PADI6: variants seen among roughly 807,000 people sequenced by gnomAD.
PADI6 encodes the protein peptidyl arginine deiminase 6.
In PADI6, 66 loss-of-function variants were observed where a neutral mutation model predicts 78.2. The ratio of observed to expected loss-of-function variants is 0.84; its 90% CI spans 0.69 to 1.04. The LOEUF is 1.04. Ranked by LOEUF, PADI6 falls within the 50% of genes least tolerant of loss-of-function variation. The pLI is 0.00. For synonymous variants in PADI6, 397 were observed against 346.9 expected (o/e 1.14, Z -1.60); for missense variants, 854 against 866.1 (o/e 0.99, Z 0.18).
chr1:17,388,872 C>T lies in PADI6; in HGVS notation c.954C>T (p.Tyr318=), dbSNP rs766217698. 2 of 1,613,068 alleles carry T rather than the reference C, an allele frequency of 1.2e-6. No homozygotes were observed. The highest frequency in any genetic ancestry group is 1.1e-5 in the South Asian group (1 of 90,840). The change falls in exon 8 of 16, where the codon TAC becomes TAT. Residue 318 remains tyrosine, a synonymous_variant. Coordinates refer to ENST00000619609, the MANE Select transcript of PADI6 (RefSeq NM_207421.4). ...IPCTQVPLEV[Y]LCRELQLQGF... ...GTACCCAGGTGCCTCTGGAGGTTTA[C>T]CTGTGCAGGTGAGAGACCATCAGGC... is the stretch of plus-strand genomic sequence containing the variant.
chr1:17,392,436 A>T (rs929014466), intron 9 of PADI6, among the ~76,000 whole-genome samples: 3 of 152,162 alleles, frequency 2.0e-5, no homozygotes, highest in Non-Finnish European at 4.4e-5. Flanking sequence ...CCTCCTTCCC[A>T]TTCCAGAATG....
intron 6 of PADI6, among the ~76,000 whole-genome samples, chr1:17,383,946 C>CGA (rs2075096757): frequency 6.6e-6 from 1 of 152,050 alleles, no homozygotes; most frequent in South Asian, 2.1e-4. Context: ...GTCAGGAGTT[C>CGA]GAGACCAGCC....
intron 4 of PADI6, among the ~76,000 whole-genome samples, chr1:17,380,496 T>C (rs1386106356): frequency 3.9e-5 from 6 of 152,182 alleles, no homozygotes; most frequent in Non-Finnish European, 7.4e-5. Context: ...GCCTGCCGAG[T>C]AGCTGGGACT....
In PADI6 at chr1:17,401,436, TAGACC is replaced by T; in HGVS notation, c.2084_*3del. ...CTTCAAATGGTGGAAGATGGTACCT[TAGACC>T]CAGGCCCTGGAGCTGCCAGCTCTGC... On this transcript the variant is annotated stop_lost and 3_prime_UTR_variant, in exon 16 of 16. Transcript: ENST00000619609. 6.2e-7 allele frequency: 1 copy of T among 1,613,316 alleles called. No homozygotes were observed. Among genetic ancestry groups the T allele is most frequent in the Non-Finnish European group, 8.5e-7 (1 of 1,179,420 alleles).
intron 6 of PADI6, among the ~76,000 whole-genome samples, chr1:17,383,843 A>G (rs1041926294): frequency 6.7e-6 from 1 of 150,344 alleles, no homozygotes; most frequent in Admixed American, 6.7e-5. Context: ...TAATTTTTTT[A>G]AAAAAACTTA....
chr1:17,380,996 A>C, intron 4 of PADI6, 51 bp from the exon 5 acceptor site: 1 of 1,474,286 alleles, frequency 6.8e-7, no homozygotes, highest in Non-Finnish European at 9.3e-7. Flanking sequence ...TCCGAGAAAC[A>C]GAAGATTTAT....
At chr1:17,372,949 C>T (rs779796768) in intron 1 of PADI6, 107 bp from the exon 2 acceptor site, 11 of 1,208,658 alleles carry the variant, frequency 9.1e-6, no homozygotes, top group Middle Eastern at 2.0e-4. Context: ...GCCTCAACAC[C>T]CTAAGGAGAA....
At position 17,398,710 on chromosome 1, in the gene PADI6, A is replaced by G. The variant is rs1368974422; in HGVS notation, c.1714A>G (p.Ile572Val). The G allele has an allele frequency of 4.5e-6, 6 of 1,323,858 alleles. No individual in the cohort carries two copies. Among genetic ancestry groups the G allele is most frequent in the Non-Finnish European group, 5.0e-6 (5 of 1,009,390 alleles). 82.0% of individuals were successfully genotyped at this position (1,323,858 alleles called of 1,614,324 possible). Residue 572 changes from isoleucine to valine, a missense_variant, in exon 15 of 16, where the codon ATC (isoleucine) becomes GTC (valine). Coordinates refer to ENST00000619609, the MANE Select transcript of PADI6 (RefSeq NM_207421.4). ...GAAGTGCATTCACCTGAACCGTGAC[A>G]TCCTGAAGACGGAGCTGGGCCTGGT... ...VEKCIHLNRDILKTELGLVEQ... is the reference protein window; with the variant it reads ...VEKCIHLNRDVLKTELGLVEQ...
At chr1:17,389,029 A>G (rs1050219151) in intron 8 of PADI6, 149 bp downstream of exon 8, 2 of 633,476 alleles carry the variant, frequency 3.2e-6, no homozygotes, top group African/African-American at 3.7e-5. Flanking sequence ...GACCTGCCCC[A>G]AGACAGTCCA....
In PADI6 at chr1:17,397,246, G is replaced by A. The variant is rs1015023673; in HGVS notation, c.1689+105G>A. On this transcript the variant is annotated intron_variant, in intron 14 of 15. Transcript: ENST00000619609. ...CCTGAGGGGTGAAGTGTTGGGCGGC[G>A]GGGGGCAGCTGCCTGCCACCCTTTC... 39 of 1,233,822 alleles carry A rather than the reference G, an allele frequency of 3.2e-5. No homozygotes were observed. In the Admixed American group the frequency reaches 3.3e-4, roughly 10 times the overall value. 76.4% of individuals were successfully genotyped at this position (1,233,822 alleles called of 1,614,324 possible). A position where few individuals can be genotyped will look rare whatever the true frequency, so the allele number is the denominator to read the frequency against.
At chr1:17,389,781 A>G (rs980460074) in intron 8 of PADI6, among the ~76,000 whole-genome samples, 9 of 152,220 alleles carry the variant, frequency 5.9e-5, no homozygotes, top group African/African-American at 1.9e-4. Context: ...AGACCAGTCT[A>G]GACACAGCAT....
chr1:17,392,534 G>A (rs1002444343), intron 9 of PADI6, among the ~76,000 whole-genome samples: 4 of 152,198 alleles, frequency 2.6e-5, no homozygotes, highest in Admixed American at 2.6e-4. Flanking sequence ...CTGGGCCACT[G>A]CCCTGGGGTC....
At chr1:17,372,391 G>GCAGGCAGA (rs755415919) in intron 1 of PADI6, 30 bp downstream of exon 1, 3 of 1,602,594 alleles carry the variant, frequency 1.9e-6, no homozygotes, top group Non-Finnish European at 2.6e-6. Flanking sequence ...GCCAGAGGTG[G>GCAGGCAGA]CAGGCAGACA....
At chr1:17,382,368 G>T (rs926440682) in intron 6 of PADI6, among the ~76,000 whole-genome samples, 2 of 152,228 alleles carry the variant, frequency 1.3e-5, no homozygotes, top group Non-Finnish European at 2.9e-5. Flanking sequence ...CAGGCTAGAA[G>T]AGAAGAGAGA....
intron 8 of PADI6, among the ~76,000 whole-genome samples, chr1:17,390,129 G>A (rs560649150): frequency 2.0e-5 from 3 of 151,696 alleles, no homozygotes; most frequent in Non-Finnish European, 2.9e-5. Context: ...GTAAAACCCC[G>A]TCTCCACTAA....
intron 13 of PADI6, 32 bp from the exon 14 acceptor site, chr1:17,397,039 C>G (rs1557609623): frequency 1.2e-6 from 2 of 1,606,754 alleles, no homozygotes; most frequent in Non-Finnish European, 1.7e-6. Flanking sequence ...CATTCCCTGA[C>G]CAGCAGGCCT....
Position 17,388,512 on chromosome 1 carries a change from G to T in PADI6, c.811G>T (p.Gly271Cys), listed in dbSNP as rs2075149607. 1 of 1,613,436 alleles carries T rather than the reference G, an allele frequency of 6.2e-7. No homozygotes were observed. The highest frequency in any genetic ancestry group is 8.5e-7 in the Non-Finnish European group (1 of 1,179,550). ...AGCATTCCCATCTGCCGAATTCTCA[G>T]GCCTCATCTCCTACTCTGTGTCCCT... ...AIAFPSAEFS[G>C]LISYSVSLVE... Residue 271 changes from glycine (G) to cysteine (C), a missense_variant, in exon 7 of 16, where the codon GGC becomes TGC. Gly to Cys is a radical substitution (Grantham distance 159). Transcript: ENST00000619609.
chr1:17,388,701 C>T (rs571683352), intron 7 of PADI6, 76 bp from the exon 8 acceptor site: 578 of 1,496,714 alleles, frequency 3.9e-4, no homozygotes, highest in African/African-American at 5.4e-4. Flanking sequence ...CCGGACTGAA[C>T]GGCCGGAACC....
intron 3 of PADI6, among the ~76,000 whole-genome samples, chr1:17,375,975 C>CTTT (rs575076756): frequency 6.7e-6 from 1 of 150,244 alleles, no homozygotes; most frequent in African/African-American, 2.5e-5. Context: ...ATAACATCTA[C>CTTT]TTTTTTTTTC....
Sources: gnomAD v4.1 joint callset for allele counts (sites outside exome capture counted in the v4.1 genomes callset) on GRCh38, gnomAD v4.1.1 for gene constraint, MANE v1.5 for transcripts, NCBI Gene and HGNC (gene_info 2026-07-23, HGNC 2026-07-21) for gene names.